The following PDE4C variants were observed in gnomAD, a reference collection of about 807,000 sequenced individuals.
PDE4C encodes phosphodiesterase 4C.
In PDE4C, 50 loss-of-function variants were observed where a neutral mutation model predicts 63.9. That is an observed-to-expected ratio of 0.78 (90% CI 0.62 to 0.99). PDE4C has a LOEUF of 0.99. Among genes scored for constraint, PDE4C ranks in the 50% least tolerant of loss-of-function variants. PDE4C has a pLI of 0.00. For missense variants in PDE4C, 777 were observed against 899.1 expected, an observed-to-expected ratio of 0.86 and a Z score of 1.74; for synonymous variants, 377 against 385.1, an observed-to-expected ratio of 0.98 and a Z score of 0.25.
upstream of PDE4C, among the ~76,000 whole-genome samples, chr19:18,235,827 C>G (rs1283192275): frequency 1.3e-5 from 2 of 152,006 alleles, no homozygotes; most frequent in African/African-American, 4.8e-5. Flanking sequence ...ACACCTGATC[C>G]TCTTGAGTCT....
chr19:18,233,127 C>A (rs1456897271), exon 1 of PDE4C: 25 of 1,559,456 alleles, frequency 1.6e-5, no homozygotes, highest in Non-Finnish European at 2.2e-5. Context: ...CATGCTGTGG[C>A]GGCCGCGAGA....
chr19:18,244,679 AT>A (rs1210261290), intron 1 of PDE4C, among the ~76,000 whole-genome samples: 1 of 151,508 alleles, frequency 6.6e-6, no homozygotes, highest in Non-Finnish European at 1.5e-5. Context: ...CACCCAGGTA[AT>A]TTTGTATTGT....
chr19:18,221,325 G>A, intron 2 of PDE4C, 28 bp from the exon 3 acceptor site: 1 of 1,537,122 alleles, frequency 6.5e-7, no homozygotes, highest in South Asian at 1.2e-5. Flanking sequence ...ATCAGGGAGA[G>A]CTCTCTCCCA....
exon 1 of PDE4C, chr19:18,233,252 G>A: frequency 4.5e-6 from 7 of 1,540,090 alleles, no homozygotes; most frequent in Non-Finnish European, 6.1e-6. Context: ...AGCGGGCGCC[G>A]AGGAGCGTCT....
At chr19:18,241,156 G>A (rs549556652) in intron 1 of PDE4C, among the ~76,000 whole-genome samples, 37 of 152,202 alleles carry the variant, frequency 2.4e-4, no homozygotes, top group Non-Finnish European at 5.3e-4. Context: ...GAAGAGGGTG[G>A]GGTGTGTGGG....
At position 18,213,395 on chromosome 19, in the gene PDE4C, G is replaced by A. The variant is rs765074470; in HGVS notation, c.1485C>T (p.Leu495=). 11 of 1,613,756 alleles carry A rather than the reference G, an allele frequency of 6.8e-6. No homozygotes were observed. In the East Asian group the frequency reaches 2.2e-4, roughly 33 times the overall value. Residue 495 remains leucine, a synonymous_variant, in exon 13 of 15, where the codon CTC becomes CTT. Transcript: ENST00000262805. ...GGATTCGGTCGGAATAGTTGTCCAG[G>A]AGGAGGACACCGAGGCTTGTCACCT... is the stretch of plus-strand genomic sequence containing the variant.
upstream of PDE4C, chr19:18,233,696 C>T (rs111956588): frequency 9.6e-4 from 341 of 353,442 alleles, 1 homozygote; most frequent in African/African-American, 6.1e-3. Flanking sequence ...GATGAGACAG[C>T]GAAGAGCTGT....
intron 1 of PDE4C, chr19:18,232,891 C>A: frequency 7.1e-7 from 1 of 1,416,322 alleles, no homozygotes; most frequent in Non-Finnish European, 9.2e-7. Context: ...CCCCCACTCC[C>A]GCCAGGCCCC....
chr19:18,249,577 A>ATT (rs71164388), upstream of PDE4C, among the ~76,000 whole-genome samples: 2,363 of 139,786 alleles, frequency 0.017, 56 homozygotes, highest in African/African-American at 0.045. Context: ...GCCTGGCCCT[A>ATT]TTTTTTTTTT....
chr19:18,221,088 C>G lies in PDE4C; in HGVS notation c.449+17G>C. ...CTCTGCCGGCCCCGCCCCCGCCCCG[C>G]CCCGCCCTCTACCTACTTGGCTGCT... is the stretch of plus-strand genomic sequence containing the variant. On this transcript the variant is annotated intron_variant, in intron 4 of 14. Transcript: ENST00000262805. The G allele has an allele frequency of 6.9e-7, 1 of 1,453,918 alleles. No homozygotes were observed. The highest frequency in any genetic ancestry group is 9.5e-7 in the Non-Finnish European group (1 of 1,057,428). The allele number at this position is 1,453,918 out of a possible 1,614,324, so 90.1% of individuals were successfully genotyped here.
At position 18,242,297 on chromosome 19, in the gene PDE4C, G is replaced by A. The variant is rs553654754; in HGVS notation, c.-210+5874C>T. Among the ~76,000 whole-genome samples, 7 of 151,854 alleles carry A rather than the reference G, an allele frequency of 4.6e-5. No individual in the cohort carries two copies. In the South Asian group the frequency reaches 1.5e-3, roughly 32 times the overall value. ...TCAAGACCAGCCTGGCCAACATAGT[G>A]AAACCCTTGTCTCTATAAAAATACA... On this transcript the variant is annotated intron_variant, in intron 1 of 15. Transcript: ENST00000594617.
chr19:18,235,966 G>A (rs1423094564), upstream of PDE4C, among the ~76,000 whole-genome samples: 1 of 151,700 alleles, frequency 6.6e-6, no homozygotes, highest in East Asian at 1.9e-4. Flanking sequence ...GTTTTGTTTT[G>A]TTTTTAGATG....
At chr19:18,223,896 C>T (rs1968603222) in intron 1 of PDE4C, among the ~76,000 whole-genome samples, 1 of 152,200 alleles carries the variant, frequency 6.6e-6, no homozygotes, top group Admixed American at 6.6e-5. Context: ...CTTGCTCACA[C>T]CCTTGGCTAC....
chr19:18,218,093 C>T (rs1254909128), intron 11 of PDE4C, 56 bp downstream of exon 11: 5 of 1,307,600 alleles, frequency 3.8e-6, no homozygotes, highest in Non-Finnish European at 5.5e-6. Flanking sequence ...ACCTGGTGGA[C>T]AGGGTGGAGG....
chr19:18,236,802 C>G (rs939678180), upstream of PDE4C: 1 of 152,464 alleles, frequency 6.6e-6, no homozygotes, highest in African/African-American at 2.4e-5. Flanking sequence ...TTCAGATGGA[C>G]GAACTGCTCT....
At chr19:18,226,187 C>T in intron 1 of PDE4C, 83 bp downstream of exon 1, 2 of 1,180,754 alleles carry the variant, frequency 1.7e-6, no homozygotes, top group South Asian at 1.3e-5. Context: ...CCCAGCTGTC[C>T]CTGGCCTTGT....
At chr19:18,209,710 T>C (rs1177868177), downstream of PDE4C, 4 of 148,974 alleles carry the variant, frequency 2.7e-5, no homozygotes, top group East Asian at 8.0e-4. Context: ...CTTTTCTTTT[T>C]TGAGACAGTG....
intron 13 of PDE4C, among the ~76,000 whole-genome samples, chr19:18,212,689 G>A (rs527395980): frequency 1.3e-5 from 2 of 150,222 alleles, no homozygotes; most frequent in South Asian, 4.2e-4. Context: ...TTGTTTGTTT[G>A]TTTTGGCTTG....
At chr19:18,245,040 T>A (rs1172643642) in intron 1 of PDE4C, among the ~76,000 whole-genome samples, 2 of 152,128 alleles carry the variant, frequency 1.3e-5, no homozygotes, top group Non-Finnish European at 2.9e-5. Context: ...TTTCACCATG[T>A]TGGCCAGGAT....
Sources: allele counts gnomAD v4.1 joint callset (sites outside exome capture counted in the v4.1 genomes callset), GRCh38; gene constraint gnomAD v4.1.1; transcripts MANE v1.5; gene names NCBI Gene and HGNC (gene_info 2026-07-23, HGNC 2026-07-21).